ADGRD1: variants seen among roughly 807,000 people sequenced by gnomAD.
ADGRD1 encodes the protein G-protein coupled receptor 133.
In ADGRD1, 77 loss-of-function variants were observed where a neutral mutation model predicts 113.4. The observed-to-expected ratio is 0.68, with a 90% confidence interval of 0.57 to 0.82. ADGRD1 has a LOEUF of 0.82. Ranked by LOEUF, ADGRD1 falls within the 40% of genes least tolerant of loss-of-function variation. The pLI is 0.00. For synonymous variants in ADGRD1, 474 were observed against 475.0 expected (o/e 1.00, Z 0.03); for missense variants, 1,036 against 1,139.1 (o/e 0.91, Z 1.30).
chr12:130,988,789 T>C (rs1416319680), intron 6 of ADGRD1: 1 of 152,174 alleles, frequency 6.6e-6, no homozygotes, highest in Non-Finnish European at 1.5e-5. Flanking sequence ...CTCTTATCAC[T>C]TCCCATGCTG....
At chr12:131,029,100 A>G (rs572520784) in intron 13 of ADGRD1, among the ~76,000 whole-genome samples, 2 of 152,058 alleles carry the variant, frequency 1.3e-5, no homozygotes, top group African/African-American at 4.8e-5. Context: ...GGCCATCTGC[A>G]TTTTTCTTTA....
chr12:131,065,726 A>G (rs1201090440), intron 13 of ADGRD1, among the ~76,000 whole-genome samples: 1 of 152,134 alleles, frequency 6.6e-6, no homozygotes, highest in Non-Finnish European at 1.5e-5. Flanking sequence ...CTCGGTTGTT[A>G]GTTGTGCGCA....
rs1873412384 is a variant in ADGRD1 at position 130,984,691 on chromosome 12, C to G, written c.491-2404C>G. The stretch of plus-strand genomic sequence containing the variant: ...GCATTTGCTCTCGGTGTTGTACATT[C>G]TATGGGTTGGTGAGGTTGATCTTTC... On this transcript the variant is annotated intron_variant, in intron 5 of 24. Transcript: ENST00000261654. The surrounding 1 kb of genome is among the most constrained non-coding windows in gnomAD (Gnocchi z 4.1). Among the ~76,000 whole-genome samples the G allele has an allele frequency of 6.6e-6, 1 of 151,998 alleles. No individual in the cohort carries two copies. Among genetic ancestry groups the G allele is most frequent in the South Asian group, 2.1e-4 (1 of 4,784 alleles).
Position 131,091,499 on chromosome 12 carries a change from G to A in ADGRD1, c.1671+6836G>A, listed in dbSNP as rs543565397. Among the ~76,000 whole-genome samples, 8 of 152,320 alleles carry A rather than the reference G, an allele frequency of 5.3e-5. No individual in the cohort carries two copies. The South Asian group carries it at 8.3e-4, about 16-fold the overall frequency. On this transcript the variant is annotated intron_variant, in intron 15 of 24. Coordinates refer to ENST00000261654, the MANE Select transcript of ADGRD1 (RefSeq NM_198827.5). ...AATGGGGTTGTCACCATGCCAGTGC[G>A]TTTGCAGGGATTTCCAAGGTAACAT...
In ADGRD1 at chr12:131,118,310, G is replaced by A. The variant is rs1328747183; in HGVS notation, c.2042-75G>A. On this transcript the variant is annotated intron_variant, in intron 18 of 24. Transcript: ENST00000261654. ...GGTGTACAAGGAATGAAGAAAGGAA[G>A]GGAGGGATGGGGGAGGCGGGAGGGA... is the stretch of plus-strand genomic sequence containing the variant. 6 of 1,017,726 alleles carry A rather than the reference G, an allele frequency of 5.9e-6. No homozygotes were observed. In the Admixed American group the frequency reaches 1.1e-4, roughly 20 times the overall value. The allele number at this position is 1,017,726 out of a possible 1,614,324, so 63.0% of individuals were successfully genotyped here.
chr12:131,076,538 C>T (rs1885624137), intron 13 of ADGRD1, among the ~76,000 whole-genome samples: 1 of 151,962 alleles, frequency 6.6e-6, no homozygotes, highest in Non-Finnish European at 1.5e-5. Context: ...GGAGGCACGT[C>T]CTAGGAGGAG....
Position 131,070,421 on chromosome 12 carries a change from G to C in ADGRD1, c.1474-6380G>C, listed in dbSNP as rs559410686. On this transcript the variant is annotated intron_variant, in intron 13 of 24. Transcript: ENST00000261654. ...GACGAAGGGCAGCGACAGCGTTTTT[G>C]TTTTCTGAAGTGGGAGGGTCTCGTG... 4.2e-3 allele frequency: 690 copies of C among 162,930 alleles called. 6 individuals carry two copies. The highest frequency in any genetic ancestry group is 0.015 in the African/African-American group (626 of 42,004). The allele number at this position is 162,930 out of a possible 1,614,324, so 10.1% of individuals were successfully genotyped here.
At chr12:130,960,725 T>C (rs1565981759) in intron 2 of ADGRD1, among the ~76,000 whole-genome samples, 2 of 151,952 alleles carry the variant, frequency 1.3e-5, no homozygotes, top group Non-Finnish European at 2.9e-5. Flanking sequence ...GAGGATACAA[T>C]GTAAATAGAA....
chr12:131,124,073 G>C (rs1367028835), intron 20 of ADGRD1, among the ~76,000 whole-genome samples: 1 of 152,254 alleles, frequency 6.6e-6, no homozygotes, highest in Non-Finnish European at 1.5e-5. Flanking sequence ...TCTGGGCCAG[G>C]GGGTGCCGTG....
intron 15 of ADGRD1, among the ~76,000 whole-genome samples, chr12:131,087,079 A>T (rs566249860): frequency 4.0e-5 from 6 of 151,780 alleles, no homozygotes; most frequent in East Asian, 1.9e-4. Flanking sequence ...CTAATTTTAA[A>T]TTTTTTCGTA....
intron 13 of ADGRD1, among the ~76,000 whole-genome samples, chr12:131,052,736 C>T (rs1883516966): frequency 6.6e-6 from 1 of 152,158 alleles, no homozygotes; most frequent in Non-Finnish European, 1.5e-5. Flanking sequence ...AACAACCCAC[C>T]TCTAGGACTC....
chr12:131,004,289 CAGG>C lies in ADGRD1; in HGVS notation c.1249_1251del (p.Arg417del). 6.2e-7 allele frequency: 1 copy of C among 1,609,668 alleles called. No homozygotes were observed. Among genetic ancestry groups the C allele is most frequent in the Non-Finnish European group, 8.5e-7 (1 of 1,176,198 alleles). On this transcript the variant is annotated inframe_deletion, in exon 11 of 25. Coordinates refer to ENST00000261654, the MANE Select transcript of ADGRD1 (RefSeq NM_198827.5). ...TCCAGATCCCCCACGAGGCCTTCCA[CAGG>C]CACGGTGAGTGTGGCTGCGCTGGAC...
At chr12:131,004,392 G>GCTGCGGTGCTCCCCCGGGCCGC (rs56322364) in intron 11 of ADGRD1, 96 bp downstream of exon 11, 217,361 of 790,246 alleles carry the variant, frequency 0.28, 42,034 homozygotes, top group Non-Finnish European at 0.3. Context: ...GCGCCAGGGA[G>GCTGCGGTGCTCCCCCGGGCCGC]CTGCGGTGCT....
At chr12:131,066,642 G>A (rs990647566) in intron 13 of ADGRD1, among the ~76,000 whole-genome samples, 21 of 152,226 alleles carry the variant, frequency 1.4e-4, no homozygotes, top group Admixed American at 4.6e-4. Context: ...CTGGGGAGGT[G>A]ACAAGCAGGC....
chr12:130,981,280 G>C (rs767278627), intron 4 of ADGRD1: 7 of 152,204 alleles, frequency 4.6e-5, no homozygotes, highest in Non-Finnish European at 8.8e-5. Flanking sequence ...TGTGGTGCTT[G>C]TTTAGAATGC....
At chr12:131,019,125 G>C (rs1338219483) in intron 13 of ADGRD1, among the ~76,000 whole-genome samples, 1 of 152,224 alleles carries the variant, frequency 6.6e-6, no homozygotes, top group African/African-American at 2.4e-5. Flanking sequence ...AAATAATCCA[G>C]ATTCAGACCC....
chr12:130,954,659 A>T lies in ADGRD1; in HGVS notation c.102A>T (p.Pro34=). 1.2e-6 allele frequency: 2 copies of T among 1,612,804 alleles called. No homozygotes were observed. The highest frequency in any genetic ancestry group is 1.7e-6 in the Non-Finnish European group (2 of 1,179,740). Residue 34 remains proline (P), a splice_region_variant and synonymous_variant, in exon 2 of 25, where the codon CCA becomes CCT. Transcript: ENST00000261654. The surrounding 1 kb of genome is among the most constrained non-coding windows in gnomAD (Gnocchi z 4.7). Reference sequence around the variant, plus strand: ...TCTACTCCAGATCGCAGGACCATCCAGGTAAGAGTGTTTCCTTCTCACTCT... The same window carrying T: ...TCTACTCCAGATCGCAGGACCATCCTGGTAAGAGTGTTTCCTTCTCACTCT... ...RGVYSRSQDH[P]GFQVLASASH... is the part of the protein sequence containing the mutation.
chr12:131,011,808 G>A (rs1481783519), intron 12 of ADGRD1, among the ~76,000 whole-genome samples: 1 of 152,242 alleles, frequency 6.6e-6, no homozygotes, highest in African/African-American at 2.4e-5. Context: ...TGCAGAAAAG[G>A]CCACGAGCAT....
At position 131,050,215 on chromosome 12, in the gene ADGRD1, A is replaced by ATCG. The variant is rs1226067763; in HGVS notation, c.1474-26583_1474-26581dup. Among the ~76,000 whole-genome samples the ATCG allele has an allele frequency of 3.0e-5, 3 of 101,468 alleles. No individual in the cohort carries two copies. The highest frequency in any genetic ancestry group is 6.1e-4 in the South Asian group (1 of 1,648). The allele number at this position is 101,468 out of a possible 152,430, so 66.6% of individuals were successfully genotyped here. On this transcript the variant is annotated intron_variant, in intron 13 of 24. Coordinates refer to ENST00000261654, the MANE Select transcript of ADGRD1 (RefSeq NM_198827.5). This position sits in a 1 kb window ranked among gnomAD's most constrained non-coding sequence, Gnocchi z 4.8. The stretch of plus-strand genomic sequence containing the variant: ...GTCTCAAGTTGAAATCACCATCGTC[A>ATCG]TCGTCATCATCATCATCATCATCAA...
Sources: gnomAD v4.1 joint callset for allele counts (sites outside exome capture counted in the v4.1 genomes callset) on GRCh38, gnomAD v4.1.1 for gene constraint, Gnocchi (gnomAD v3.1) non-coding constraint, MANE v1.5 for transcripts, NCBI Gene and HGNC (gene_info 2026-07-23, HGNC 2026-07-21) for gene names.